The following GDA variants were observed in gnomAD, a reference collection of about 807,000 sequenced individuals.
GDA encodes guanine deaminase.
In GDA, 18 loss-of-function variants were observed where a neutral mutation model predicts 59.6. The ratio of observed to expected loss-of-function variants is 0.30; its 90% CI spans 0.21 to 0.45. The LOEUF is 0.45. Among genes scored for constraint, GDA ranks in the 20% least tolerant of loss-of-function variants. The pLI, the probability that GDA is intolerant of heterozygous loss-of-function variation, is 1.00. For synonymous variants in GDA, 201 were observed against 201.1 expected (o/e 1.00, Z 0.00); for missense variants, 427 against 552.3 (o/e 0.77, Z 2.27).
chr9:72,131,445 G>A (rs961066056), intron 1 of GDA, among the ~76,000 whole-genome samples: 1 of 121,134 alleles, frequency 8.3e-6, no homozygotes, highest in Non-Finnish European at 1.8e-5. Context: ...TATCACCAAG[G>A]GAATGGTGCT....
chr9:72,218,840 A>G (rs1587694206), intron 5 of GDA, among the ~76,000 whole-genome samples: 1 of 152,216 alleles, frequency 6.6e-6, no homozygotes, highest in East Asian at 1.9e-4. Flanking sequence ...GTAGAGCATA[A>G]TATATTGCAA....
At chr9:72,185,039 A>G (rs1323496775) in intron 1 of GDA, among the ~76,000 whole-genome samples, 1 of 152,264 alleles carries the variant, frequency 6.6e-6, no homozygotes, top group Admixed American at 6.5e-5. Flanking sequence ...TGAAAATTAC[A>G]TAAAATGCAA....
In GDA at chr9:72,190,887, T is replaced by C. The variant is rs147623784; in HGVS notation, c.124-4613T>C. Among the ~76,000 whole-genome samples, 1,091 of 152,308 alleles carry C rather than the reference T, an allele frequency of 7.2e-3. 50 individuals carry two copies. The highest frequency in any genetic ancestry group is 0.067 in the Admixed American group (1,018 of 15,282). ...GTGTAAAAAGTTTTTTTCATCCAGTTTGATAATATATCTATGAATGATTGT... is the reference window on the plus strand; with the variant it reads ...GTGTAAAAAGTTTTTTTCATCCAGTCTGATAATATATCTATGAATGATTGT... On this transcript the variant is annotated intron_variant, in intron 1 of 13. Coordinates refer to ENST00000358399, the MANE Select transcript of GDA (RefSeq NM_004293.5).
chr9:72,172,580 A>T (rs1212509404), intron 1 of GDA, among the ~76,000 whole-genome samples: 1 of 152,158 alleles, frequency 6.6e-6, no homozygotes, highest in African/African-American at 2.4e-5. Context: ...TTAGGACAAG[A>T]GTTAGAGTAA....
chr9:72,196,918 G>A (rs1367679153), intron 2 of GDA, among the ~76,000 whole-genome samples: 2 of 152,178 alleles, frequency 1.3e-5, no homozygotes, highest in African/African-American at 4.8e-5. Flanking sequence ...CAAAGGACAT[G>A]AATGGGAAGA....
chr9:72,247,916 T>C (rs1417263987), intron 13 of GDA, among the ~76,000 whole-genome samples: 1 of 152,158 alleles, frequency 6.6e-6, no homozygotes, highest in Non-Finnish European at 1.5e-5. Context: ...AAGATGCATG[T>C]GTTACTTCTT....
At chr9:72,169,248 T>A (rs1829679080) in intron 1 of GDA, among the ~76,000 whole-genome samples, 1 of 152,196 alleles carries the variant, frequency 6.6e-6, no homozygotes, top group South Asian at 2.1e-4. Flanking sequence ...GCTAGCATCT[T>A]TATACAGGAG....
chr9:72,230,567 G>C (rs1327419284), intron 9 of GDA, among the ~76,000 whole-genome samples: 2 of 151,342 alleles, frequency 1.3e-5, no homozygotes, highest in Non-Finnish European at 2.9e-5. Flanking sequence ...CCCAAATTCA[G>C]CCCAGGAACC....
intron 1 of GDA, among the ~76,000 whole-genome samples, chr9:72,180,510 A>G (rs1374650322): frequency 2.0e-5 from 3 of 152,122 alleles, no homozygotes; most frequent in Non-Finnish European, 4.4e-5. Flanking sequence ...AGTTTTTCAA[A>G]AGAGAGAGAG....
In GDA at chr9:72,210,741, A is replaced by G; in HGVS notation, c.439A>G (p.Thr147Ala). The G allele has an allele frequency of 3.1e-6, 5 of 1,611,382 alleles. No individual in the cohort carries two copies. Among genetic ancestry groups the G allele is most frequent in the Non-Finnish European group, 4.2e-6 (5 of 1,177,546 alleles). ...AGCTTGTTACTTTGCAACAATTCACACTGACTCATCTCTGCTCCTTGCCGA... is the reference window on the plus strand; with the variant it reads ...AGCTTGTTACTTTGCAACAATTCACGCTGACTCATCTCTGCTCCTTGCCGA... ...TTACYFATIH[T>A]DSSLLLADIT... The change falls in exon 4 of 14, where the codon ACT becomes GCT. Residue 147 changes from threonine to alanine, a missense_variant. Thr to Ala is a moderately conservative substitution (Grantham distance 58). Transcript: ENST00000358399.
intron 10 of GDA, among the ~76,000 whole-genome samples, chr9:72,240,022 G>A (rs1239991444): frequency 6.6e-6 from 1 of 152,198 alleles, no homozygotes; most frequent in Non-Finnish European, 1.5e-5. Context: ...AGCTATAAGT[G>A]TGTTTTTCTT....
chr9:72,205,112 A>AAC (rs1238445782), intron 3 of GDA, among the ~76,000 whole-genome samples: 1 of 143,984 alleles, frequency 6.9e-6, no homozygotes, highest in Non-Finnish European at 1.5e-5. Flanking sequence ...CTCTGTCTCA[A>AAC]AAAAAAAAAA....
chr9:72,233,137 G>T (rs1275242844), intron 10 of GDA, among the ~76,000 whole-genome samples: 2 of 152,076 alleles, frequency 1.3e-5, no homozygotes, highest in South Asian at 2.1e-4. Flanking sequence ...CCTTCAATTT[G>T]TAAACTTTAG....
At chr9:72,189,166 CTTTTTTTTTT>C (rs71493640) in intron 1 of GDA, among the ~76,000 whole-genome samples, 19 of 54,940 alleles carry the variant, frequency 3.5e-4, no homozygotes, top group Middle Eastern at 9.3e-3. Context: ...AGACTCTAGA[CTTTTTTTTTT>C]TTTTTTTTTT....
rs531626806 is a variant in GDA, at chr9:72,242,534, C to A, written c.1135+1236C>A. Among the ~76,000 whole-genome samples, 9 of 152,112 alleles carry A rather than the reference C, an allele frequency of 5.9e-5. No homozygotes were observed. In the East Asian group the frequency reaches 1.5e-3, roughly 26 times the overall value. The stretch of plus-strand genomic sequence containing the variant: ...ATTGGGTGTAGATTTATGATAGATA[C>A]CCTGAGTCTTACAAATGAAGGATGA... On this transcript the variant is annotated intron_variant, in intron 11 of 13. Coordinates refer to ENST00000358399, the MANE Select transcript of GDA (RefSeq NM_004293.5).
chr9:72,130,090 G>A (rs1825975713), intron 1 of GDA, among the ~76,000 whole-genome samples: 1 of 152,180 alleles, frequency 6.6e-6, no homozygotes, highest in Non-Finnish European at 1.5e-5. Context: ...CTGAGAGAAA[G>A]TTAGACAATA....
rs1840368958 is a variant in GDA, at chr9:72,248,381, T to C, written c.*39T>C. On this transcript the variant is annotated 3_prime_UTR_variant, in exon 14 of 14. Coordinates refer to ENST00000358399, the MANE Select transcript of GDA (RefSeq NM_004293.5). ...CTACAAAGTTCTCCTGGGATTAGCGTGGTTCTGCATCTCCCTTGTGCCCAG... is the reference window on the plus strand; with the variant it reads ...CTACAAAGTTCTCCTGGGATTAGCGCGGTTCTGCATCTCCCTTGTGCCCAG... The C allele has an allele frequency of 6.2e-7, 1 of 1,612,292 alleles. No individual in the cohort carries two copies. Among genetic ancestry groups the C allele is most frequent in the South Asian group, 1.1e-5 (1 of 90,706 alleles).
downstream of GDA, among the ~76,000 whole-genome samples, chr9:72,258,784 T>C (rs1840911447): frequency 6.6e-6 from 1 of 152,134 alleles, no homozygotes; most frequent in African/African-American, 2.4e-5. Flanking sequence ...CAAAGGAAGC[T>C]TGGACTCGGA....
At chr9:72,201,012 T>C (rs1426679535) in intron 2 of GDA, among the ~76,000 whole-genome samples, 4 of 152,134 alleles carry the variant, frequency 2.6e-5, no homozygotes, top group African/African-American at 4.8e-5. Context: ...AGGGTAACAG[T>C]ACTCTCATAC....
Sources: gnomAD v4.1 joint callset for allele counts (sites outside exome capture counted in the v4.1 genomes callset) on GRCh38, gnomAD v4.1.1 for gene constraint, MANE v1.5 for transcripts, NCBI Gene and HGNC (gene_info 2026-07-23, HGNC 2026-07-21) for gene names.